The following STARD9 variants were observed in gnomAD, a reference collection of about 807,000 sequenced individuals.
STARD9 encodes the protein StAR related lipid transfer domain containing 9.
In STARD9, 346 loss-of-function variants were observed where a neutral mutation model predicts 399.8. The observed-to-expected ratio is 0.87, with a 90% CI of 0.79 to 0.95. STARD9 has a LOEUF of 0.95. Among genes scored for constraint, STARD9 ranks in the 40% least tolerant of loss-of-function variants. The probability of loss-of-function intolerance (pLI) is 0.00; values close to 1 mark genes in which losing one functional copy is unlikely to be tolerated. For missense variants in STARD9, 5,832 were observed against 5,667.5 expected, an observed-to-expected ratio of 1.03 and a Z score of -0.93; for synonymous variants, 2,203 against 2,143.5, an observed-to-expected ratio of 1.03 and a Z score of -0.77.
chr15:42,619,344 T>G (rs1357706898), intron 3 of STARD9, among the ~76,000 whole-genome samples: 1 of 152,072 alleles, frequency 6.6e-6, no homozygotes, highest in Non-Finnish European at 1.5e-5. Flanking sequence ...TAATGTAGTA[T>G]GTAACCTTTT....
chr15:42,715,332 A>T (rs1002495364), intron 26 of STARD9, among the ~76,000 whole-genome samples: 1 of 152,110 alleles, frequency 6.6e-6, no homozygotes, highest in Non-Finnish European at 1.5e-5. Flanking sequence ...AAACAGCGAG[A>T]CTGGTTGCAA....
chr15:42,681,354 C>A, intron 20 of STARD9, 68 bp from the exon 21 acceptor site: 1 of 1,462,882 alleles, frequency 6.8e-7, no homozygotes, highest in South Asian at 1.4e-5. Flanking sequence ...AGGCCTTACA[C>A]TGCTATCAGT....
In STARD9 at chr15:42,650,778, T is replaced by C. The variant is rs560809499; in HGVS notation, c.560-238T>C. ...GTTAGCATATGGTCTATATGACTTA[T>C]AGACCATAATCTCTGTGAGGACAGA... On this transcript the variant is annotated intron_variant, in intron 7 of 32. Coordinates refer to ENST00000290607, the MANE Select transcript of STARD9 (RefSeq NM_020759.3). Among the ~76,000 whole-genome samples the C allele has an allele frequency of 8.5e-5, 13 of 152,350 alleles. No homozygotes were observed. In the East Asian group the frequency reaches 2.3e-3, roughly 27 times the overall value.
intron 11 of STARD9, 127 bp from the exon 12 acceptor site, chr15:42,663,154 T>G (rs1176671020): frequency 1.1e-6 from 1 of 924,214 alleles, no homozygotes; most frequent in African/African-American, 1.7e-5. Flanking sequence ...ACCTAAAATA[T>G]CCTATTGTAT....
At chr15:42,679,040 T>C (rs893955229) in intron 20 of STARD9, among the ~76,000 whole-genome samples, 2 of 152,126 alleles carry the variant, frequency 1.3e-5, no homozygotes, top group African/African-American at 2.4e-5. Context: ...GCACCCCTTC[T>C]AGGGAGAAGC....
chr15:42,577,114 C>G (rs980042948), intron 1 of STARD9, among the ~76,000 whole-genome samples: 2 of 152,050 alleles, frequency 1.3e-5, no homozygotes, highest in African/African-American at 4.8e-5. Context: ...TCCTAACATT[C>G]AGTAACTTCT....
chr15:42,679,429 C>T (rs2060381184), intron 20 of STARD9, among the ~76,000 whole-genome samples: 2 of 152,196 alleles, frequency 1.3e-5, no homozygotes, highest in South Asian at 4.1e-4. Context: ...CTTTTGAGCA[C>T]ACTCACTCAA....
chr15:42,716,205 C>T (rs950991222), intron 26 of STARD9, among the ~76,000 whole-genome samples: 1 of 152,150 alleles, frequency 6.6e-6, no homozygotes, highest in Non-Finnish European at 1.5e-5. Context: ...GGACCTTTAG[C>T]TTGGCTGCTG....
At chr15:42,622,313 AG>A (rs569672471) in intron 3 of STARD9, among the ~76,000 whole-genome samples, 130 of 151,966 alleles carry the variant, frequency 8.6e-4, no homozygotes, top group African/African-American at 3.1e-3. Context: ...ATGAAAGCCA[AG>A]TTTCTCATTA....
rs981931504 is a variant in STARD9, at chr15:42,684,871, A to G, written c.3293A>G (p.Asn1098Ser). The G allele has an allele frequency of 1.8e-5, 27 of 1,537,014 alleles. 1 individual carries two copies. In the Middle Eastern group the frequency reaches 1.5e-3, roughly 85 times the overall value. The part of the protein sequence containing the change: ...PVMDHSREKD[N>S]DLSDTDSNYS... ...ATGGATCATTCAAGAGAAAAAGACA[A>G]TGATTTATCTGACACAGATAGCAAC... The change falls in exon 23 of 33, where the codon AAT becomes AGT. Residue 1098 changes from asparagine to serine, a missense_variant. Asn to Ser is a conservative substitution (Grantham distance 46). Around this residue, in one of 2 missense-constraint regions of STARD9, gnomAD observed 5,828 missense variants for 5,651.1 expected, o/e 1.03. Coordinates refer to ENST00000290607, the MANE Select transcript of STARD9 (RefSeq NM_020759.3).
intron 17 of STARD9, 69 bp from the exon 18 acceptor site, chr15:42,674,758 C>G: frequency 6.9e-7 from 1 of 1,457,318 alleles, no homozygotes; most frequent in Non-Finnish European, 9.0e-7. Flanking sequence ...TCTGATCTCA[C>G]AGAAAGAAAT....
chr15:42,665,303 G>A lies in STARD9; in HGVS notation c.1227G>A (p.Leu409=). Residue 409 remains leucine (L), a synonymous_variant, in exon 14 of 33, where the codon CTG becomes CTA. Coordinates refer to ENST00000290607, the MANE Select transcript of STARD9 (RefSeq NM_020759.3). ...AACTCAGAGAAGAGATTGAAAGACT[G>A]AAAGCCCTGCTGCTGAGCTTTGAAC... The part of the protein sequence containing the change: ...IRELREEIER[L]KALLLSFELR... 1 of 1,537,132 alleles carries A rather than the reference G, an allele frequency of 6.5e-7. No homozygotes were observed. Among genetic ancestry groups the A allele is most frequent in the South Asian group, 1.2e-5 (1 of 84,042 alleles).
In STARD9 at chr15:42,690,051, A is replaced by T; in HGVS notation, c.8473A>T (p.Thr2825Ser). 1 of 1,537,496 alleles carries T rather than the reference A, an allele frequency of 6.5e-7. No homozygotes were observed. The highest frequency in any genetic ancestry group is 2.0e-5 in the Admixed American group (1 of 51,004). Residue 2825 changes from threonine (T) to serine (S), a missense_variant, in exon 23 of 33, where the codon ACA (threonine) becomes TCA (serine). Physicochemically the swap from Thr to Ser is moderately conservative, Grantham distance 58 (BLOSUM62 1). This residue lies in a region of STARD9 where 5,828 missense variants were observed against 5,651.1 expected (regional missense o/e 1.03). Coordinates refer to ENST00000290607, the MANE Select transcript of STARD9 (RefSeq NM_020759.3). ...QSVTCDVQNS[T>S]SASGPKQDHV... ...TGTGACCTGTGATGTTCAGAATTCT[A>T]CAAGTGCCTCAGGGCCTAAGCAAGA...
chr15:42,717,385 G>T (rs2061369986), intron 28 of STARD9, among the ~76,000 whole-genome samples: 2 of 152,070 alleles, frequency 1.3e-5, no homozygotes, highest in Admixed American at 1.3e-4. Flanking sequence ...CACTTTGGGA[G>T]GCTGAGGTGG....
intron 26 of STARD9, among the ~76,000 whole-genome samples, chr15:42,707,564 G>A (rs1049020826): frequency 6.6e-6 from 1 of 151,452 alleles, no homozygotes; most frequent in Non-Finnish European, 1.5e-5. Context: ...CCGACTCCTG[G>A]GCTCAAGAAA....
intron 3 of STARD9, among the ~76,000 whole-genome samples, chr15:42,614,545 G>A (rs752607650): frequency 7.9e-5 from 12 of 152,108 alleles, no homozygotes; most frequent in African/African-American, 2.7e-4. Context: ...GCAGAAGAGG[G>A]CCCATACATT....
chr15:42,593,533 C>T (rs1377244655), intron 3 of STARD9, among the ~76,000 whole-genome samples: 5 of 151,386 alleles, frequency 3.3e-5, no homozygotes, highest in Non-Finnish European at 7.4e-5. Flanking sequence ...AGCTAAAACA[C>T]TTGTAGCATT....
At chr15:42,601,911 G>A (rs1239857600) in intron 3 of STARD9, among the ~76,000 whole-genome samples, 2 of 152,168 alleles carry the variant, frequency 1.3e-5, no homozygotes, top group South Asian at 2.1e-4. Flanking sequence ...GCAGTGGTGC[G>A]ATCTCAGTTC....
chr15:42,691,579 C>T lies in STARD9; in HGVS notation c.10001C>T (p.Ser3334Phe). The part of the protein sequence containing the change: ...PQFSVVGSSR[S>F]LQELNLSVEP... ...TTCTCAGTTGTCGGCTCTTCTCGTT[C>T]TCTTCAGGAGCTGAACTTGAGTGTG... Residue 3334 changes from serine to phenylalanine, a missense_variant, in exon 23 of 33, where the codon TCT becomes TTT. Physicochemically the swap from Ser to Phe is radical, Grantham distance 155. Transcript: ENST00000290607. The T allele has an allele frequency of 2.6e-6, 4 of 1,537,288 alleles. No homozygotes were observed. The highest frequency in any genetic ancestry group is 3.5e-6 in the Non-Finnish European group (4 of 1,146,922).
Sources: gnomAD v4.1 joint callset for allele counts (sites outside exome capture counted in the v4.1 genomes callset) on GRCh38, gnomAD v4.1.1 for gene constraint, gnomAD v4.1.1 regional missense constraint, MANE v1.5 for transcripts, NCBI Gene and HGNC (gene_info 2026-07-23, HGNC 2026-07-21) for gene names.